Variants in SVIL observed in about 807,000 individuals in gnomAD.
The protein encoded by SVIL is archvillin.
In SVIL, 101 loss-of-function variants were observed where a neutral mutation model predicts 240.4. The ratio of observed to expected loss-of-function variants is 0.42; its 90% CI spans 0.36 to 0.50. The LOEUF (loss-of-function observed/expected upper bound fraction) is 0.50, where lower values mean the gene tolerates loss of function less well. Ranked by LOEUF, SVIL falls within the 20% of genes least tolerant of loss-of-function variation. The pLI is 0.01. For synonymous variants in SVIL, 999 were observed against 1,100.0 expected (o/e 0.91, Z 1.82); for missense variants, 2,512 against 2,818.7 (o/e 0.89, Z 2.46).
At chr10:29,465,456 G>GTGTAA in intron 34 of SVIL, 139 bp downstream of exon 34, 1 of 1,061,904 alleles carries the variant, frequency 9.4e-7, no homozygotes, top group Non-Finnish European at 1.3e-6. Context: ...GATGAAAAGA[G>GTGTAA]TGTAAGCACA....
chr10:29,651,268 G>A (rs182191752), intron 3 of SVIL, among the ~76,000 whole-genome samples: 1 of 152,254 alleles, frequency 6.6e-6, no homozygotes, highest in East Asian at 1.9e-4. Flanking sequence ...AGCAGAGCAG[G>A]TAAAGATCCA....
chr10:29,524,056 G>C, intron 14 of SVIL, 29 bp from the exon 15 acceptor site: 2 of 1,559,784 alleles, frequency 1.3e-6, no homozygotes, highest in South Asian at 2.4e-5. Flanking sequence ...AAATTAAAAA[G>C]CTGCTTGAAA....
chr10:29,467,248 C>G (rs1054397004), intron 33 of SVIL: 1 of 154,996 alleles, frequency 6.5e-6, no homozygotes, highest in Non-Finnish European at 1.4e-5. Context: ...AGGTTAATGA[C>G]TGAAGGGCTC....
intron 2 of SVIL, among the ~76,000 whole-genome samples, chr10:29,680,484 G>A (rs991860697): frequency 6.6e-6 from 1 of 152,242 alleles, no homozygotes; most frequent in African/African-American, 2.4e-5. Context: ...GCAGGGGGCC[G>A]TGGGATGGGA....
intron 1 of SVIL, among the ~76,000 whole-genome samples, chr10:29,574,815 G>A (rs1219190771): frequency 6.6e-6 from 1 of 152,186 alleles, no homozygotes; most frequent in Non-Finnish European, 1.5e-5. Context: ...ACCCCAGAAG[G>A]AGACATCAGG....
chr10:29,609,725 G>A (rs1052284122), intron 1 of SVIL, among the ~76,000 whole-genome samples: 1 of 152,236 alleles, frequency 6.6e-6, no homozygotes, highest in African/African-American at 2.4e-5. Flanking sequence ...AGCCTCAAAG[G>A]GAGCTGGCAT....
At chr10:29,471,354 A>T (rs1324252940) in intron 30 of SVIL, 111 bp from the exon 31 acceptor site, 4 of 826,646 alleles carry the variant, frequency 4.8e-6, no homozygotes, top group Non-Finnish European at 7.4e-6. Context: ...GTACAAACAA[A>T]AGCCATTGCT....
chr10:29,510,069 A>C (rs372618744), intron 17 of SVIL, among the ~76,000 whole-genome samples: 55 of 152,234 alleles, frequency 3.6e-4, no homozygotes, highest in African/African-American at 1.3e-3. Context: ...CACCCAGTTA[A>C]TTTTTGTAAA....
chr10:29,605,667 T>C (rs1956992615), intron 1 of SVIL, among the ~76,000 whole-genome samples: 1 of 149,560 alleles, frequency 6.7e-6, no homozygotes, highest in African/African-American at 2.4e-5. Flanking sequence ...TTCTCTTTAG[T>C]GGGTTTTTTC....
intron 1 of SVIL, among the ~76,000 whole-genome samples, chr10:29,622,138 T>C (rs971119309): frequency 1.3e-5 from 2 of 149,230 alleles, no homozygotes; most frequent in African/African-American, 2.5e-5. Context: ...TAGTCCCAGC[T>C]ACTCGGGAGG....
intron 3 of SVIL, among the ~76,000 whole-genome samples, chr10:29,645,336 G>A (rs1224080783): frequency 2.6e-5 from 4 of 152,156 alleles, no homozygotes; most frequent in South Asian, 2.1e-4. Context: ...TTGGGAGGCC[G>A]AGGCGAGAGG....
At chr10:29,557,898 G>C (rs898892290) in intron 3 of SVIL, among the ~76,000 whole-genome samples, 3 of 152,308 alleles carry the variant, frequency 2.0e-5, no homozygotes, top group African/African-American at 7.2e-5. Context: ...GATCACTATG[G>C]GGGCGCTAAT....
intron 1 of SVIL, among the ~76,000 whole-genome samples, chr10:29,732,715 C>T (rs530866243): frequency 2.0e-5 from 3 of 152,174 alleles, no homozygotes; most frequent in Non-Finnish European, 4.4e-5. Context: ...CTACATTTTC[C>T]AAGGAAATGG....
rs1162448047 is a variant in SVIL, at chr10:29,678,133, T to C, written c.-301+8420A>G. ...AGACAATTTTTCCATGAACCAGGGG[T>C]TGAGGGGGATGGTTTCAGGATGATT... On this transcript the variant is annotated intron_variant, in intron 2 of 35. Transcript: ENST00000375400. 3.3e-5 allele frequency among the ~76,000 whole-genome samples: 5 copies of C among 151,592 alleles called. No homozygotes were observed. In the East Asian group the frequency reaches 9.7e-4, roughly 29 times the overall value.
At chr10:29,671,979 T>G (rs574673978) in intron 2 of SVIL, among the ~76,000 whole-genome samples, 1 of 152,340 alleles carries the variant, frequency 6.6e-6, no homozygotes, top group Non-Finnish European at 1.5e-5. Flanking sequence ...TGAGGTTCTA[T>G]AATACATTCT....
At position 29,626,950 on chromosome 10, in the gene SVIL, G is replaced by A. The variant is rs181630860; in HGVS notation, c.-201+7470C>T. Reference sequence around the variant, plus strand: ...GAGGCAGGAGAATGGTGTGAACCCGGGAGGCGGAGCTTGCAGTGAGCCGAG... The same window carrying A: ...GAGGCAGGAGAATGGTGTGAACCCGAGAGGCGGAGCTTGCAGTGAGCCGAG... On this transcript the variant is annotated intron_variant, in intron 1 of 37. Coordinates refer to ENST00000355867, the MANE Select transcript of SVIL (RefSeq NM_021738.3). Among the ~76,000 whole-genome samples, 258 of 152,242 alleles carry A rather than the reference G, an allele frequency of 1.7e-3. 2 individuals carry two copies. Among genetic ancestry groups the A allele is most frequent in the African/African-American group, 4.4e-3 (181 of 41,538 alleles).
chr10:29,601,893 A>G (rs1359934357), intron 1 of SVIL, among the ~76,000 whole-genome samples: 2 of 151,814 alleles, frequency 1.3e-5, no homozygotes, highest in African/African-American at 4.8e-5. Context: ...TCTCTTCCTC[A>G]TTATCTGTAC....
At chr10:29,686,188 G>C (rs17294599) in intron 2 of SVIL, among the ~76,000 whole-genome samples, 1 of 152,228 alleles carries the variant, frequency 6.6e-6, no homozygotes, top group Admixed American at 6.5e-5. Flanking sequence ...TGATTAAAAT[G>C]AGTTCCTACA....
chr10:29,638,408 G>T (rs1302636381), upstream of SVIL, among the ~76,000 whole-genome samples: 1 of 152,032 alleles, frequency 6.6e-6, no homozygotes, highest in African/African-American at 2.4e-5. Flanking sequence ...GGAGGTTGCA[G>T]TGAGCTGAGA....
Sources: allele counts gnomAD v4.1 joint callset (sites outside exome capture counted in the v4.1 genomes callset), GRCh38; gene constraint gnomAD v4.1.1; transcripts MANE v1.5; gene names NCBI Gene and HGNC (gene_info 2026-07-23, HGNC 2026-07-21).